Variants in NHEJ1 observed in about 807,000 individuals in gnomAD.
NHEJ1 encodes non-homologous end-joining factor 1.
NHEJ1 carries 22 observed loss-of-function variants against 39.4 expected under a neutral mutation model. The observed-to-expected ratio is 0.56, with a 90% CI of 0.40 to 0.80. NHEJ1 has a LOEUF of 0.80. Among genes scored for constraint, NHEJ1 ranks in the 30% least tolerant of loss-of-function variants. The pLI, the probability that NHEJ1 is intolerant of heterozygous loss-of-function variation, is 0.00. For missense variants in NHEJ1, 329 were observed against 357.1 expected (o/e 0.92, Z 0.63); for synonymous variants, 154 against 135.6 (o/e 1.14, Z -0.94).
At position 219,076,106 on chromosome 2, in the gene NHEJ1, C is replaced by T; in HGVS notation, c.*275G>A. Reference sequence around the variant, plus strand: ...TGTGTGGTGCTTTCTTGCTGACTTGCCCTATATACCTAAAGTCCATGGTAG... The same window carrying T: ...TGTGTGGTGCTTTCTTGCTGACTTGTCCTATATACCTAAAGTCCATGGTAG... On this transcript the variant is annotated 3_prime_UTR_variant, in exon 8 of 8. Transcript: ENST00000356853. 2 of 610,458 alleles carry T rather than the reference C, an allele frequency of 3.3e-6. No homozygotes were observed. Among genetic ancestry groups the T allele is most frequent in the East Asian group, 5.6e-5 (2 of 35,882 alleles). The allele number at this position is 610,458 out of a possible 1,614,324, so 37.8% of individuals were successfully genotyped here.
At chr2:219,157,745 T>A in intron 2 of NHEJ1, 61 bp from the exon 3 acceptor site, 2 of 1,392,826 alleles carry the variant, frequency 1.4e-6, no homozygotes, top group Non-Finnish European at 1.0e-6. Flanking sequence ...CCCTCATAAG[T>A]AACAGCAAAG....
intron 5 of NHEJ1, among the ~76,000 whole-genome samples, chr2:219,080,637 A>C (rs1020305270): frequency 7.2e-6 from 1 of 139,654 alleles, no homozygotes; most frequent in Non-Finnish European, 1.5e-5. Flanking sequence ...TAATATATAT[A>C]AGCTTATATA....
intron 5 of NHEJ1, among the ~76,000 whole-genome samples, chr2:219,103,223 C>T (rs1949282371): frequency 6.7e-6 from 1 of 149,742 alleles, no homozygotes; most frequent in African/African-American, 2.4e-5. Flanking sequence ...TATGCATAAA[C>T]ATTGAACCAA....
chr2:219,102,267 T>A (rs1233157592), intron 5 of NHEJ1, among the ~76,000 whole-genome samples: 3 of 152,218 alleles, frequency 2.0e-5, no homozygotes, highest in Non-Finnish European at 4.4e-5. Context: ...CAACCAAAAT[T>A]GCATAAAGTA....
intron 5 of NHEJ1, among the ~76,000 whole-genome samples, chr2:219,126,066 G>A (rs1949511651): frequency 6.6e-6 from 1 of 152,168 alleles, no homozygotes; most frequent in African/African-American, 2.4e-5. Context: ...CATGTTTCAT[G>A]GTCCTAACAT....
chr2:219,104,550 C>T (rs182568487), intron 5 of NHEJ1, among the ~76,000 whole-genome samples: 1 of 152,254 alleles, frequency 6.6e-6, no homozygotes, highest in East Asian at 1.9e-4. Flanking sequence ...TCACCCAAAA[C>T]TTAAGTCTCA....
chr2:219,153,318 G>A (rs1034510412), intron 3 of NHEJ1, among the ~76,000 whole-genome samples: 1 of 152,154 alleles, frequency 6.6e-6, no homozygotes, highest in Non-Finnish European at 1.5e-5. Flanking sequence ...CAAAGAGGTG[G>A]AGTTGAGTTA....
intron 5 of NHEJ1, among the ~76,000 whole-genome samples, chr2:219,100,400 C>G (rs1342618448): frequency 1.3e-5 from 2 of 148,838 alleles, no homozygotes; most frequent in Admixed American, 6.8e-5. Context: ...GCCAGGAGTT[C>G]GAGACCAGCT....
intron 5 of NHEJ1, among the ~76,000 whole-genome samples, chr2:219,078,693 G>A (rs1374769123): frequency 6.6e-6 from 1 of 152,160 alleles, no homozygotes; most frequent in African/African-American, 2.4e-5. Flanking sequence ...AGAGGAGACA[G>A]GAAAAACAAA....
At chr2:219,137,071 G>GAA (rs769632691) in intron 5 of NHEJ1, among the ~76,000 whole-genome samples, 24 of 64,972 alleles carry the variant, frequency 3.7e-4, no homozygotes, top group Non-Finnish European at 1.6e-4. Context: ...CTCTTCTTGA[G>GAA]AAAAAAAAAA....
intron 5 of NHEJ1, among the ~76,000 whole-genome samples, chr2:219,092,062 C>T (rs1381640339): frequency 6.6e-6 from 1 of 152,152 alleles, no homozygotes; most frequent in Non-Finnish European, 1.5e-5. Context: ...TGATACAGGT[C>T]TATGTACAGT....
chr2:219,079,062 G>A (rs568412508), intron 5 of NHEJ1, among the ~76,000 whole-genome samples: 45 of 152,284 alleles, frequency 3.0e-4, no homozygotes, highest in Non-Finnish European at 4.9e-4. Context: ...AATGAACTGT[G>A]GACTTACATC....
At chr2:219,136,286 CTTTTTTT>C (rs36102678) in intron 5 of NHEJ1, among the ~76,000 whole-genome samples, 1 of 125,872 alleles carries the variant, frequency 7.9e-6, no homozygotes, top group Non-Finnish European at 1.7e-5. Context: ...CACTTGGTTT[CTTTTTTT>C]TTTTTTTTTT....
intron 2 of NHEJ1, 125 bp from the exon 3 acceptor site, chr2:219,157,809 T>C: frequency 1.3e-6 from 1 of 788,578 alleles, no homozygotes; most frequent in African/African-American, 1.7e-5. Flanking sequence ...GGAGAGAAGA[T>C]AAAAACATCA....
At chr2:219,118,067 G>C (rs1220483324) in intron 5 of NHEJ1, among the ~76,000 whole-genome samples, 1 of 152,122 alleles carries the variant, frequency 6.6e-6, no homozygotes, top group Non-Finnish European at 1.5e-5. Flanking sequence ...CCTGGCTAGG[G>C]AAAGAGCCAA....
At chr2:219,081,773 T>C (rs771646758) in intron 5 of NHEJ1, among the ~76,000 whole-genome samples, 5 of 152,224 alleles carry the variant, frequency 3.3e-5, no homozygotes, top group Non-Finnish European at 7.3e-5. Flanking sequence ...GGGATGAATT[T>C]TGACACAAGA....
chr2:219,106,262 A>G (rs1949312678), intron 5 of NHEJ1, among the ~76,000 whole-genome samples: 1 of 152,144 alleles, frequency 6.6e-6, no homozygotes, highest in Admixed American at 6.5e-5. Context: ...AACTGTAGAG[A>G]TAAGTTTGAA....
intron 3 of NHEJ1, among the ~76,000 whole-genome samples, chr2:219,154,332 G>C (rs151254169): frequency 1.3e-5 from 2 of 152,230 alleles, no homozygotes; most frequent in Non-Finnish European, 2.9e-5. Flanking sequence ...TACATATATA[G>C]CTTTAAGAAT....
rs1035512485 is a variant in NHEJ1, at chr2:219,073,053, T to C, written c.*3328A>G. 6.6e-6 allele frequency among the ~76,000 whole-genome samples: 1 copy of C among 152,100 alleles called. No homozygotes were observed. Among genetic ancestry groups the C allele is most frequent in the East Asian group, 1.9e-4 (1 of 5,192 alleles). ...GGAAGGAAAGAAAAGGGAGTCCAAATGTACCGCTGGATAAAAACGAGCAGC... is the reference window on the plus strand; with the variant it reads ...GGAAGGAAAGAAAAGGGAGTCCAAACGTACCGCTGGATAAAAACGAGCAGC... On this transcript the variant is annotated 3_prime_UTR_variant, in exon 8 of 8. Transcript: ENST00000356853.
Sources: gnomAD v4.1 joint callset for allele counts (sites outside exome capture counted in the v4.1 genomes callset) on GRCh38, gnomAD v4.1.1 for gene constraint, MANE v1.5 for transcripts, NCBI Gene and HGNC (gene_info 2026-07-23, HGNC 2026-07-21) for gene names.